Variants in TNRC6A observed in about 807,000 individuals in gnomAD.
TNRC6A encodes the protein trinucleotide repeat-containing gene 6A protein.
TNRC6A carries 44 observed loss-of-function variants against 221.2 expected under a neutral mutation model. That is an observed-to-expected ratio of 0.20 (90% CI 0.16 to 0.26). The LOEUF (loss-of-function observed/expected upper bound fraction) is 0.26, where lower values mean the gene tolerates loss of function less well. Among genes scored for constraint, TNRC6A ranks in the 10% least tolerant of loss-of-function variants. The pLI is 1.00. For synonymous variants in TNRC6A, 847 were observed against 838.5 expected (o/e 1.01, Z -0.18); for missense variants, 2,199 against 2,404.4 (o/e 0.91, Z 1.79).
chr16:24,781,614 A>G (rs552067040), intron 5 of TNRC6A, among the ~76,000 whole-genome samples: 5 of 152,210 alleles, frequency 3.3e-5, no homozygotes, highest in African/African-American at 1.2e-4. Context: ...GGAAGTCTTC[A>G]GCTGATGTTG....
intron 11 of TNRC6A, among the ~76,000 whole-genome samples, chr16:24,799,176 C>T (rs554989808): frequency 5.9e-5 from 9 of 152,320 alleles, no homozygotes; most frequent in African/African-American, 2.2e-4. Flanking sequence ...AACCTCTCCT[C>T]TTGCACCTTC....
intron 6 of TNRC6A, 48 bp from the exon 7 acceptor site, chr16:24,793,425 C>T (rs747859060): frequency 3.8e-6 from 5 of 1,327,554 alleles, no homozygotes; most frequent in East Asian, 2.8e-5. Flanking sequence ...TTCCACTGCA[C>T]CTCCTTACCT....
chr16:24,723,549 G>A (rs8053395), intron 2 of TNRC6A, among the ~76,000 whole-genome samples: 1,611 of 148,296 alleles, frequency 0.011, 36 homozygotes, highest in African/African-American at 0.038. Flanking sequence ...AGCCAAGAAC[G>A]TACCACTGCA....
At chr16:24,752,426 ATG>A (rs2057158685) in intron 3 of TNRC6A, among the ~76,000 whole-genome samples, 1 of 152,130 alleles carries the variant, frequency 6.6e-6, no homozygotes, top group Non-Finnish European at 1.5e-5. Context: ...AGAGGAGATG[ATG>A]TGGCCCTAGC....
rs753891606 is a variant in TNRC6A, at chr16:24,777,164, A to G, written c.395A>G (p.Tyr132Cys). Residue 132 changes from tyrosine (Y) to cysteine (C), a missense_variant, in exon 5 of 25, where the codon TAT becomes TGT. Transcript: ENST00000395799. ...CAGCAGCCACAGGCCTTGCCTCGGT[A>G]TCCTCGTGAAGTACCTCCACGATTT... ...PQQQPQALPR[Y>C]PREVPPRFRH... 1.2e-6 allele frequency: 2 copies of G among 1,614,088 alleles called. No individual in the cohort carries two copies. The highest frequency in any genetic ancestry group is 1.7e-6 in the Non-Finnish European group (2 of 1,180,058).
chr16:24,800,522 C>G (rs917885556), intron 11 of TNRC6A, among the ~76,000 whole-genome samples: 4 of 152,192 alleles, frequency 2.6e-5, no homozygotes, highest in Admixed American at 2.6e-4. Flanking sequence ...GAGAAGGCAT[C>G]CTGTGAGGCT....
rs964203326 is a variant in TNRC6A at position 24,825,071 on chromosome 16, C to G, written c.*1264C>G. 1.3e-5 allele frequency: 2 copies of G among 152,558 alleles called. No individual in the cohort carries two copies. The highest frequency in any genetic ancestry group is 4.8e-5 in the African/African-American group (2 of 41,426). The allele number at this position is 152,558 out of a possible 1,614,324, so 9.5% of individuals were successfully genotyped here. Reference sequence around the variant, plus strand: ...AATGTTTAACTGTTGTACCTTAAAGCCGAAATCAGTAACTATGCATACTGT... The same window carrying G: ...AATGTTTAACTGTTGTACCTTAAAGGCGAAATCAGTAACTATGCATACTGT... On this transcript the variant is annotated 3_prime_UTR_variant, in exon 25 of 25. Transcript: ENST00000395799.
chr16:24,762,529 T>C (rs1299960870), intron 4 of TNRC6A, among the ~76,000 whole-genome samples: 3 of 152,212 alleles, frequency 2.0e-5, no homozygotes, highest in Non-Finnish European at 4.4e-5. Flanking sequence ...TTACTTTAGT[T>C]ACTGAATTTT....
intron 2 of TNRC6A, among the ~76,000 whole-genome samples, chr16:24,679,724 G>T (rs1026953023): frequency 6.6e-6 from 1 of 151,590 alleles, no homozygotes; most frequent in African/African-American, 2.4e-5. Context: ...CAATCCACCC[G>T]CCTCGGCCTC....
intron 8 of TNRC6A, 110 bp from the exon 9 acceptor site, chr16:24,795,797 C>G (rs992900471): frequency 1.1e-5 from 11 of 1,027,780 alleles, no homozygotes; most frequent in Non-Finnish European, 1.4e-5. Flanking sequence ...CCCAAAGTTG[C>G]GATAACTAGT....
At chr16:24,625,830 T>C (rs1764575548) in intron 1 of TNRC6A, among the ~76,000 whole-genome samples, 1 of 151,906 alleles carries the variant, frequency 6.6e-6, no homozygotes, top group Admixed American at 6.6e-5. Context: ...GAGAATTGCT[T>C]GAACCTAGGA....
Position 24,729,796 on chromosome 16 carries a change from G to A in TNRC6A, c.-46G>A, listed in dbSNP as rs1199221940. 3.6e-6 allele frequency: 5 copies of A among 1,404,894 alleles called. No homozygotes were observed. The highest frequency in any genetic ancestry group is 3.1e-5 in the South Asian group (2 of 64,388). 87.0% of individuals were successfully genotyped at this position (1,404,894 alleles called of 1,614,324 possible). A position where few individuals can be genotyped will look rare whatever the true frequency, so the allele number is the denominator to read the frequency against. ...CGGCGCTGCGGAGGGCTTGAGGCTCGCGAGCCTCCTTCGCCGCGCCCCACT... is the reference window on the plus strand; with the variant it reads ...CGGCGCTGCGGAGGGCTTGAGGCTCACGAGCCTCCTTCGCCGCGCCCCACT... On this transcript the variant is annotated 5_prime_UTR_variant, in exon 1 of 25. Transcript: ENST00000395799.
rs779762075 is a variant in TNRC6A at position 24,797,912 on chromosome 16, C to G, written c.3643-3C>G. On this transcript the variant is annotated splice_polypyrimidine_tract_variant and splice_region_variant and intron_variant, in intron 10 of 24. Coordinates refer to ENST00000395799, the MANE Select transcript of TNRC6A (RefSeq NM_014494.4). Reference sequence around the variant, plus strand: ...GCTAACATGCTGCATTTTCTTTCTTCAGAGAGACTCACCAGAGGAAAATGT... The same window carrying G: ...GCTAACATGCTGCATTTTCTTTCTTGAGAGAGACTCACCAGAGGAAAATGT... 6.2e-7 allele frequency: 1 copy of G among 1,605,094 alleles called. No individual in the cohort carries two copies. Among genetic ancestry groups the G allele is most frequent in the Non-Finnish European group, 8.5e-7 (1 of 1,175,494 alleles).
intron 1 of TNRC6A, among the ~76,000 whole-genome samples, chr16:24,611,181 C>T (rs1433260767): frequency 6.6e-6 from 1 of 152,156 alleles, no homozygotes; most frequent in East Asian, 1.9e-4. Context: ...CTCTCATCCT[C>T]TAACCTCGCT....
intron 2 of TNRC6A, chr16:24,664,070 A>G (rs1482240678): frequency 2.5e-6 from 1 of 402,540 alleles, no homozygotes; most frequent in East Asian, 7.5e-5. Context: ...TCATACCTGT[A>G]ATCCCAGCAC....
At chr16:24,809,691 G>A (rs981822153) in intron 18 of TNRC6A, among the ~76,000 whole-genome samples, 7 of 152,140 alleles carry the variant, frequency 4.6e-5, no homozygotes, top group African/African-American at 1.7e-4. Context: ...GTTTTATAAA[G>A]GAGAGATCAG....
intron 1 of TNRC6A, among the ~76,000 whole-genome samples, chr16:24,639,369 T>C (rs1367939358): frequency 1.3e-5 from 2 of 152,074 alleles, no homozygotes; most frequent in Admixed American, 1.3e-4. Context: ...GGCACACACC[T>C]GTAATCCCAG....
At chr16:24,634,188 C>A (rs1901502210) in intron 1 of TNRC6A, among the ~76,000 whole-genome samples, 1 of 151,940 alleles carries the variant, frequency 6.6e-6, no homozygotes, top group Non-Finnish European at 1.5e-5. Flanking sequence ...GCCTGTAATC[C>A]CAGCACTTTG....
At chr16:24,706,979 T>A (rs200676812) in intron 2 of TNRC6A, among the ~76,000 whole-genome samples, 6,879 of 140,442 alleles carry the variant, frequency 0.049, 323 homozygotes, top group African/African-American at 0.13. Flanking sequence ...ATTTATCTAT[T>A]TTTATTTATG....
Sources: gnomAD v4.1 joint callset for allele counts (sites outside exome capture counted in the v4.1 genomes callset) on GRCh38, gnomAD v4.1.1 for gene constraint, MANE v1.5 for transcripts, NCBI Gene and HGNC (gene_info 2026-07-23, HGNC 2026-07-21) for gene names.